The following ARID1B variants were observed in gnomAD, a reference collection of about 807,000 sequenced individuals.
The protein encoded by ARID1B is AT-rich interaction domain 1B.
Under a neutral mutation model 212.3 loss-of-function variants are expected in ARID1B, and 30 were observed. That is an observed-to-expected ratio of 0.14 (90% CI 0.11 to 0.19). The LOEUF (loss-of-function observed/expected upper bound fraction) is 0.19. Ranked by LOEUF, ARID1B falls within the 10% of genes least tolerant of loss-of-function variation. ARID1B has a pLI of 1.00. For missense variants in ARID1B, 2,891 were observed against 3,204.0 expected (o/e 0.90, Z 2.36); for synonymous variants, 1,402 against 1,301.7 (o/e 1.08, Z -1.66).
chr6:156,859,174 C>T (rs921867738), intron 2 of ARID1B, among the ~76,000 whole-genome samples: 9 of 152,104 alleles, frequency 5.9e-5, no homozygotes, highest in Admixed American at 3.3e-4. Flanking sequence ...GTGCAGTGGC[C>T]GCAATTTCAG....
At chr6:156,961,246 C>T (rs1380694148) in intron 4 of ARID1B, among the ~76,000 whole-genome samples, 3 of 152,246 alleles carry the variant, frequency 2.0e-5, no homozygotes, top group Admixed American at 1.3e-4. Context: ...AATCCTGCAA[C>T]ACTGTACGTT....
chr6:156,901,800 T>G, intron 3 of ARID1B: 1 of 493,612 alleles, frequency 2.0e-6, no homozygotes, highest in Non-Finnish European at 3.6e-6. Flanking sequence ...TTCCCTGTCA[T>G]TTGTGTTCTG....
chr6:157,054,116 C>G (rs1166407528), intron 4 of ARID1B, among the ~76,000 whole-genome samples: 1 of 151,688 alleles, frequency 6.6e-6, no homozygotes, highest in Non-Finnish European at 1.5e-5. Flanking sequence ...CCCAGCTATT[C>G]GGAAGGCTGA....
intron 2 of ARID1B, among the ~76,000 whole-genome samples, chr6:156,880,920 G>A (rs1022953152): frequency 1.3e-5 from 2 of 152,050 alleles, no homozygotes; most frequent in African/African-American, 4.8e-5. Context: ...TGTAATCCAT[G>A]TTCTCAGACT....
At position 157,203,063 on chromosome 6, in the gene ARID1B, A is replaced by G. The variant is rs1794216750; in HGVS notation, c.5264-803A>G. On this transcript the variant is annotated intron_variant, in intron 18 of 19. Transcript: ENST00000636930. This position sits in a 1 kb window ranked among gnomAD's most constrained non-coding sequence, Gnocchi z 4.4. ...TGTAGCTATCTTAGAAAATTTTAAA[A>G]CAGATAAAATAAAAGTGGAAAAGCC... Among the ~76,000 whole-genome samples, 1 of 152,184 alleles carries G rather than the reference A, an allele frequency of 6.6e-6. No individual in the cohort carries two copies. The highest frequency in any genetic ancestry group is 1.5e-5 in the Non-Finnish European group (1 of 68,044).
intron 4 of ARID1B, among the ~76,000 whole-genome samples, chr6:156,992,487 A>G (rs376873478): frequency 5.9e-5 from 9 of 152,242 alleles, no homozygotes; most frequent in African/African-American, 2.2e-4. Context: ...TTGTTCTAAG[A>G]TATGTGTTTT....
In ARID1B at chr6:156,865,491, G is replaced by C. The variant is rs560984033; in HGVS notation, c.1987-35885G>C. ...CTTTGCATGTGACTCTCTTCCCTCAGCCCCTAATGTTGTAGGACCTTCTTT... is the reference window on the plus strand; with the variant it reads ...CTTTGCATGTGACTCTCTTCCCTCACCCCCTAATGTTGTAGGACCTTCTTT... On this transcript the variant is annotated intron_variant, in intron 2 of 19. Transcript: ENST00000636930. Among the ~76,000 whole-genome samples the C allele has an allele frequency of 1.3e-4, 20 of 152,120 alleles. No individual in the cohort carries two copies. The South Asian group carries it at 4.1e-3, about 32-fold the overall frequency.
At chr6:157,041,607 C>T (rs776491104) in intron 4 of ARID1B, among the ~76,000 whole-genome samples, 4 of 152,180 alleles carry the variant, frequency 2.6e-5, no homozygotes, top group Non-Finnish European at 5.9e-5. Flanking sequence ...TTAATCCACT[C>T]TCATATGAGA....
intron 4 of ARID1B, among the ~76,000 whole-genome samples, chr6:156,954,755 G>A (rs888640683): frequency 2.0e-5 from 3 of 152,046 alleles, no homozygotes; most frequent in African/African-American, 7.2e-5. Flanking sequence ...GGCTGTTCAC[G>A]TATTTGAAGA....
At chr6:157,018,211 G>GTTTTTTTTTTTTTTT (rs1562552562) in intron 4 of ARID1B, among the ~76,000 whole-genome samples, 1 of 45,692 alleles carries the variant, frequency 2.2e-5, no homozygotes, top group African/African-American at 1.1e-4. Context: ...AAAGTAGTAT[G>GTTTTTTTTTTTTTTT]CTTTTTTTTT....
chr6:157,088,505 C>T (rs1583286448), intron 5 of ARID1B, among the ~76,000 whole-genome samples: 2 of 152,126 alleles, frequency 1.3e-5, no homozygotes, highest in African/African-American at 2.4e-5. Flanking sequence ...CCTGTCCTTT[C>T]GAAGTTTTTA....
chr6:157,081,697 G>C (rs560587001), intron 4 of ARID1B, among the ~76,000 whole-genome samples: 3 of 152,122 alleles, frequency 2.0e-5, no homozygotes, highest in Non-Finnish European at 4.4e-5. Context: ...ATGCCCATCC[G>C]TGTCACTTTT....
At position 157,084,748 on chromosome 6, in the gene ARID1B, C is replaced by A. The variant is rs2128462564; in HGVS notation, c.2334C>A (p.Ser778Arg). 1 of 1,614,182 alleles carries A rather than the reference C, an allele frequency of 6.2e-7. No individual in the cohort carries two copies. Among genetic ancestry groups the A allele is most frequent in the Non-Finnish European group, 8.5e-7 (1 of 1,180,036 alleles). Residue 778 changes from serine to arginine, a missense_variant, in exon 5 of 20, where the codon AGC becomes AGA. By Grantham distance (110) the Ser-to-Arg change is moderately radical. This residue lies in a region of ARID1B where 1,643 missense variants were observed against 1,544.0 expected (regional missense o/e 1.06). Transcript: ENST00000636930. ...SAVSASGSTS[S>R]QGDQSNPAQS... ...TCAGTGCATCCGGGTCCACGAGCAG[C>A]CAAGGGGATCAGAGCAACCCGGCGC...
At chr6:156,948,062 G>C (rs1211514517) in intron 4 of ARID1B, among the ~76,000 whole-genome samples, 1 of 152,086 alleles carries the variant, frequency 6.6e-6, no homozygotes, top group Non-Finnish European at 1.5e-5. Flanking sequence ...GTGCCACCAT[G>C]GTGTCCTGTG....
In ARID1B at chr6:157,190,219, A is replaced by G. The variant is rs1793262314; in HGVS notation, c.4231+9A>G. 6.2e-7 allele frequency: 1 copy of G among 1,603,270 alleles called. No individual in the cohort carries two copies. The highest frequency in any genetic ancestry group is 1.7e-5 in the Admixed American group (1 of 57,918). Reference sequence around the variant, plus strand: ...TGGGGGAATGAGAAAAGGTACGTGTAGAGGGGCCTCCACCCGGCCATGGAC... The same window carrying G: ...TGGGGGAATGAGAAAAGGTACGTGTGGAGGGGCCTCCACCCGGCCATGGAC... On this transcript the variant is annotated intron_variant, in intron 15 of 19. Transcript: ENST00000636930. The surrounding 1 kb of genome is among the most constrained non-coding windows in gnomAD (Gnocchi z 4.6).
chr6:157,060,036 A>G (rs1783241454), intron 4 of ARID1B, among the ~76,000 whole-genome samples: 1 of 152,224 alleles, frequency 6.6e-6, no homozygotes, highest in South Asian at 2.1e-4. Context: ...TCTAATTACC[A>G]GATTCCTGAC....
At chr6:156,779,920 A>G (rs1779108938) in intron 1 of ARID1B, among the ~76,000 whole-genome samples, 2 of 152,184 alleles carry the variant, frequency 1.3e-5, no homozygotes, top group South Asian at 2.1e-4. Context: ...AACGGGGGAA[A>G]GAATGAGGAA....
chr6:156,869,435 TAACC>T (rs1407239395), intron 2 of ARID1B, among the ~76,000 whole-genome samples: 3 of 152,234 alleles, frequency 2.0e-5, no homozygotes, highest in African/African-American at 7.2e-5. Flanking sequence ...AATTTATAAG[TAACC>T]ATTGGGGACT....
intron 4 of ARID1B, among the ~76,000 whole-genome samples, chr6:157,047,507 A>G (rs1782314249): frequency 6.6e-6 from 1 of 152,234 alleles, no homozygotes. Context: ...AAGATCTACC[A>G]AGTCCACTGT....
Sources: gnomAD v4.1 joint callset for allele counts (sites outside exome capture counted in the v4.1 genomes callset) on GRCh38, gnomAD v4.1.1 for gene constraint, gnomAD v4.1.1 regional missense constraint, Gnocchi (gnomAD v3.1) non-coding constraint, MANE v1.5 for transcripts, NCBI Gene and HGNC (gene_info 2026-07-23, HGNC 2026-07-21) for gene names.